Variants in RAD21L1 observed in about 807,000 individuals in gnomAD.
RAD21L1 encodes the protein double-strand-break repair protein rad21-like protein 1.
Under a neutral mutation model 69.0 loss-of-function variants are expected in RAD21L1, and 47 were observed. The ratio of observed to expected loss-of-function variants is 0.68; its 90% CI spans 0.54 to 0.87. RAD21L1 has a LOEUF of 0.87. RAD21L1 is among the 40% of genes least tolerant of loss of function. The pLI, the probability that RAD21L1 is intolerant of heterozygous loss-of-function variation, is 0.00. For missense variants in RAD21L1, 583 were observed against 647.6 expected (o/e 0.90, Z 1.08); for synonymous variants, 177 against 205.8 (o/e 0.86, Z 1.20).
intron 1 of RAD21L1, among the ~76,000 whole-genome samples, chr20:1,227,191 G>A (rs1158570222): frequency 6.6e-6 from 1 of 152,252 alleles, no homozygotes; most frequent in Non-Finnish European, 1.5e-5. Context: ...GATTACAGGC[G>A]TGAGCCACTG....
chr20:1,228,002 A>C (rs555366908), intron 1 of RAD21L1, among the ~76,000 whole-genome samples: 21 of 152,292 alleles, frequency 1.4e-4, no homozygotes, highest in Non-Finnish European at 2.6e-4. Flanking sequence ...TAAATTATTA[A>C]GTTTTAGAAA....
At chr20:1,231,421 A>C (rs1600215866) in intron 3 of RAD21L1, 105 bp from the exon 4 acceptor site, 1 of 671,122 alleles carries the variant, frequency 1.5e-6, no homozygotes, top group East Asian at 2.8e-5. Context: ...GAGGAAAACT[A>C]GTTAGAATAA....
At chr20:1,232,133 A>G (rs374715319) in intron 4 of RAD21L1, among the ~76,000 whole-genome samples, 1 of 152,206 alleles carries the variant, frequency 6.6e-6, no homozygotes, top group East Asian at 1.9e-4. Flanking sequence ...TTCTAGGAAG[A>G]GCAAGTAGAA....
In RAD21L1 at chr20:1,233,465, G is replaced by C. The variant is rs376961003; in HGVS notation, c.369-620G>C. Among the ~76,000 whole-genome samples, 73 of 152,258 alleles carry C rather than the reference G, an allele frequency of 4.8e-4. 1 individual carries two copies. Among genetic ancestry groups the C allele is most frequent in the African/African-American group, 1.6e-3 (65 of 41,556 alleles). ...AGGCCAAGAGAAGAATGTATTCCAT[G>C]AGGAAGGGAGTTGTTTAGTCTGTTT... On this transcript the variant is annotated intron_variant, in intron 4 of 13. Coordinates refer to ENST00000683101, the MANE Select transcript of RAD21L1 (RefSeq NM_001384355.1).
chr20:1,240,479 A>G (rs1193594981), intron 8 of RAD21L1, 45 bp downstream of exon 8: 2 of 1,521,762 alleles, frequency 1.3e-6, no homozygotes, highest in South Asian at 2.6e-5. Context: ...ATACACTGTT[A>G]ACTTATTTAC....
intron 7 of RAD21L1, among the ~76,000 whole-genome samples, 198 bp from the exon 8 acceptor site, chr20:1,240,123 C>T (rs1263429764): frequency 1.3e-5 from 2 of 152,154 alleles, no homozygotes; most frequent in South Asian, 2.1e-4. Flanking sequence ...TTGACTCACT[C>T]GAATACTGTG....
intron 4 of RAD21L1, among the ~76,000 whole-genome samples, chr20:1,233,196 C>T (rs2087427352): frequency 6.6e-6 from 1 of 152,068 alleles, no homozygotes; most frequent in Admixed American, 6.5e-5. Context: ...GTTGACTCTC[C>T]GGGTCTGAAA....
At chr20:1,242,573 A>G (rs1277931769) in intron 8 of RAD21L1, 46 bp from the exon 9 acceptor site, 5 of 1,399,644 alleles carry the variant, frequency 3.6e-6, no homozygotes, top group Non-Finnish European at 4.9e-6. Flanking sequence ...ATATGATTTT[A>G]GAAAGCTGTA....
At chr20:1,243,801 T>C (rs1326116364) in intron 10 of RAD21L1, among the ~76,000 whole-genome samples, 2 of 152,080 alleles carry the variant, frequency 1.3e-5, no homozygotes, top group Non-Finnish European at 2.9e-5. Context: ...TGTGAGTGAA[T>C]GTGTGAGAGC....
rs1292457174 is a variant in RAD21L1, at chr20:1,238,108, T to C, written c.540T>C (p.Ser180=). Residue 180 remains serine (S), a synonymous_variant, in exon 6 of 14, where the codon AGT becomes AGC. Coordinates refer to ENST00000683101, the MANE Select transcript of RAD21L1 (RefSeq NM_001384355.1). ...FFDDNILLNS[S]GPLIEHSSGS... The stretch of plus-strand genomic sequence containing the variant: ...ATGACAACATATTACTGAATTCCAG[T>C]GGTCCTTTAATTGAACATAGTTCTG... 1 of 1,542,782 alleles carries C rather than the reference T, an allele frequency of 6.5e-7. No individual in the cohort carries two copies. Among genetic ancestry groups the C allele is most frequent in the Non-Finnish European group, 8.8e-7 (1 of 1,140,758 alleles).
chr20:1,243,924 C>T, intron 10 of RAD21L1, 122 bp from the exon 11 acceptor site: 1 of 801,510 alleles, frequency 1.2e-6, no homozygotes, highest in Non-Finnish European at 2.0e-6. Context: ...GTTTGTGTAT[C>T]CTTTGCTTAA....
Position 1,231,607 on chromosome 20 carries a change from C to T in RAD21L1, c.356C>T (p.Thr119Ile), listed in dbSNP as rs930398697. 1.4e-6 allele frequency: 2 copies of T among 1,425,642 alleles called. No homozygotes were observed. Among genetic ancestry groups the T allele is most frequent in the Non-Finnish European group, 1.9e-6 (2 of 1,039,240 alleles). 88.3% of individuals were successfully genotyped at this position (1,425,642 alleles called of 1,614,324 possible). A position where few individuals can be genotyped will look rare whatever the true frequency, so the allele number is the denominator to read the frequency against. The change falls in exon 4 of 14, where the codon ACC (threonine) becomes ATC (isoleucine). Residue 119 changes from threonine to isoleucine, a missense_variant. Coordinates refer to ENST00000683101, the MANE Select transcript of RAD21L1 (RefSeq NM_001384355.1). ...TLPEEFHDFD[T>I]QNMNAIDVSE... The stretch of plus-strand genomic sequence containing the variant: ...CCAGAAGAATTTCATGATTTTGACA[C>T]CCAAAATATGAAGTAAAATATTTTA...
intron 13 of RAD21L1, among the ~76,000 whole-genome samples, chr20:1,253,103 C>A (rs1030187468): frequency 2.0e-5 from 3 of 152,160 alleles, no homozygotes; most frequent in Admixed American, 6.5e-5. Context: ...GCTGGATATG[C>A]CATCTTTGAA....
chr20:1,230,047 C>T (rs930035981), intron 3 of RAD21L1, 38 bp downstream of exon 3: 2 of 1,484,482 alleles, frequency 1.3e-6, no homozygotes, highest in Non-Finnish European at 1.8e-6. Flanking sequence ...TTCTTGGTTC[C>T]CTTTTGCATT....
intron 4 of RAD21L1, among the ~76,000 whole-genome samples, chr20:1,233,673 G>T (rs1387063301): frequency 6.6e-6 from 1 of 152,118 alleles, no homozygotes; most frequent in African/African-American, 2.4e-5. Context: ...GTAGATTGAG[G>T]CAGCTTCCTG....
At chr20:1,249,203 T>C (rs1417796485) in intron 13 of RAD21L1, among the ~76,000 whole-genome samples, 1 of 152,192 alleles carries the variant, frequency 6.6e-6, no homozygotes, top group African/African-American at 2.4e-5. Flanking sequence ...TTAGTATTTA[T>C]ATCTATATTC....
At chr20:1,239,231 A>G in intron 6 of RAD21L1, 81 bp from the exon 7 acceptor site, 2 of 758,294 alleles carry the variant, frequency 2.6e-6, no homozygotes, top group East Asian at 2.7e-5. Context: ...AATGAAATGC[A>G]TAAAGTAACA....
chr20:1,251,825 T>C (rs1350541368), intron 13 of RAD21L1, among the ~76,000 whole-genome samples: 1 of 152,206 alleles, frequency 6.6e-6, no homozygotes, highest in East Asian at 1.9e-4. Flanking sequence ...ATAATATTTT[T>C]ATTTAATTAT....
chr20:1,226,602 C>T (rs981274847), intron 1 of RAD21L1, among the ~76,000 whole-genome samples: 1 of 152,102 alleles, frequency 6.6e-6, no homozygotes, highest in Non-Finnish European at 1.5e-5. Flanking sequence ...CCCTTCCGAC[C>T]CCTTCCTCCC....
Sources: allele counts gnomAD v4.1 joint callset (sites outside exome capture counted in the v4.1 genomes callset), GRCh38; gene constraint gnomAD v4.1.1; transcripts MANE v1.5; gene names NCBI Gene and HGNC (gene_info 2026-07-23, HGNC 2026-07-21).